CHRNA3: variants seen among roughly 807,000 people sequenced by gnomAD.
The protein encoded by CHRNA3 is neuronal acetylcholine receptor subunit alpha-3.
In CHRNA3, 34 loss-of-function variants were observed where a neutral mutation model predicts 41.9. The ratio of observed to expected loss-of-function variants is 0.81; its 90% CI spans 0.62 to 1.08. The LOEUF (loss-of-function observed/expected upper bound fraction) is 1.08. CHRNA3 is among the 50% of genes least tolerant of loss of function. CHRNA3 has a pLI of 0.00. For missense variants in CHRNA3, 542 were observed against 638.3 expected, an observed-to-expected ratio of 0.85 and a Z score of 1.63; for synonymous variants, 281 against 265.2, an observed-to-expected ratio of 1.06 and a Z score of -0.58.
Position 78,620,763 on chromosome 15 carries a change from GC to G in CHRNA3, c.31del (p.Ala11ArgfsTer43). The G allele has an allele frequency of 6.7e-7, 1 of 1,497,560 alleles. No individual in the cohort carries two copies. The highest frequency in any genetic ancestry group is 8.8e-7 in the Non-Finnish European group (1 of 1,130,272). 92.8% of individuals were successfully genotyped at this position (1,497,560 alleles called of 1,614,324 possible). On this transcript the variant is annotated frameshift_variant, in exon 1 of 6. Transcript: ENST00000326828. LOFTEE classifies it high-confidence loss of function. MGSGPLSLPLALSPPRLLLLL... is the reference protein window; with the variant it reads MGSGPLSLPLXLSPPRLLLLL... ...CAGCAGCAGCCGCGGCGGCGACAGC[GC>G]CAGGGGCAGCGAGAGCGGGCCAGAG...
chr15:78,617,710 G>GT lies in CHRNA3; in HGVS notation c.268-578dup, dbSNP rs547037771. On this transcript the variant is annotated intron_variant, in intron 3 of 5. Transcript: ENST00000326828. The stretch of plus-strand genomic sequence containing the variant: ...AGGGAACGTGTGCATCAAGTACTGG[G>GT]TGGGGCACTGTGCCCATCTGGCTTT... 1.7e-4 allele frequency among the ~76,000 whole-genome samples: 26 copies of GT among 152,318 alleles called. No individual in the cohort carries two copies. In the South Asian group the frequency reaches 3.1e-3, roughly 18 times the overall value.
At chr15:78,600,783 C>T (rs544614747) in intron 5 of CHRNA3, among the ~76,000 whole-genome samples, 5 of 151,060 alleles carry the variant, frequency 3.3e-5, no homozygotes, top group South Asian at 4.2e-4. Flanking sequence ...GTGGGAGAAT[C>T]GCTTGAGCTG....
At position 78,595,522 on chromosome 15, in the gene CHRNA3, A is replaced by G. The variant is rs200803494; in HGVS notation, c.*1082T>C. The G allele has an allele frequency of 7.0e-5, 33 of 471,594 alleles. No homozygotes were observed. The highest frequency in any genetic ancestry group is 8.3e-5 in the Non-Finnish European group (30 of 361,100). 29.2% of individuals were successfully genotyped at this position (471,594 alleles called of 1,614,324 possible). A position where few individuals can be genotyped will look rare whatever the true frequency, so the allele number is the denominator to read the frequency against. On this transcript the variant is annotated 3_prime_UTR_variant, in exon 6 of 6. Coordinates refer to ENST00000326828, the MANE Select transcript of CHRNA3 (RefSeq NM_000743.5). ...AACAATGGAGACATTCTTGGTTATC[A>G]TAACTGGTGAAGAAGCAAGGTATGT...
chr15:78,609,235 A>G (rs988578600), intron 4 of CHRNA3, among the ~76,000 whole-genome samples: 9 of 152,170 alleles, frequency 5.9e-5, no homozygotes, highest in African/African-American at 2.2e-4. Context: ...GAATGCCACA[A>G]AGATACTCCT....
intron 1 of CHRNA3, among the ~76,000 whole-genome samples, 171 bp downstream of exon 1, chr15:78,620,542 C>T (rs1035333311): frequency 3.3e-5 from 5 of 152,242 alleles, no homozygotes; most frequent in Non-Finnish European, 5.9e-5. Flanking sequence ...AAAAAGCCAC[C>T]CCACCCAAGT....
downstream of CHRNA3, chr15:78,594,101 A>ATAAAT: frequency 6.6e-6 from 1 of 152,362 alleles, no homozygotes; most frequent in Non-Finnish European, 1.5e-5. Context: ...CATTTTAAAA[A>ATAAAT]TAAATGAAAA....
intron 3 of CHRNA3, chr15:78,618,337 C>T (rs555599936): frequency 7.0e-5 from 31 of 441,224 alleles, no homozygotes; most frequent in Non-Finnish European, 1.0e-4. Flanking sequence ...ATCTCAGGTT[C>T]GTACTCTTCT....
intron 4 of CHRNA3, among the ~76,000 whole-genome samples, chr15:78,609,905 C>CAAAAAAAA (rs1212780811): frequency 6.6e-6 from 1 of 151,664 alleles, no homozygotes; most frequent in African/African-American, 2.4e-5. Context: ...AAATGGAAAA[C>CAAAAAAAA]AAAAAAAGGC....
chr15:78,609,546 C>G (rs1464168835), intron 4 of CHRNA3, among the ~76,000 whole-genome samples: 1 of 152,126 alleles, frequency 6.6e-6, no homozygotes, highest in Admixed American at 6.5e-5. Flanking sequence ...TTTATCACCA[C>G]CAGGCCTGCC....
Position 78,617,104 on chromosome 15 carries a change from G to A in CHRNA3, c.297C>T (p.Asn99=), listed in dbSNP as rs767582454. The change falls in exon 4 of 6, where the codon AAC becomes AAT. Residue 99 remains asparagine (N), a synonymous_variant. Transcript: ENST00000326828. ...QIWNDYKLKW[N]PSDYGGAEFM... ...ACTCTGCCCCACCATAGTCAGAGGG[G>A]TTCCATTTCAGCTTGTAGTCATTCC... is the stretch of plus-strand genomic sequence containing the variant. 1 of 1,613,504 alleles carries A rather than the reference G, an allele frequency of 6.2e-7. No homozygotes were observed. Among genetic ancestry groups the A allele is most frequent in the Non-Finnish European group, 8.5e-7 (1 of 1,179,556 alleles).
At chr15:78,619,936 C>A (rs8025188) in intron 1 of CHRNA3, 1 of 152,172 alleles carries the variant, frequency 6.6e-6, no homozygotes, top group Non-Finnish European at 1.5e-5. Context: ...CTGAGTAGTG[C>A]AGGCCTCGGC....
intron 4 of CHRNA3, among the ~76,000 whole-genome samples, chr15:78,614,285 C>T (rs1026795592): frequency 6.6e-6 from 1 of 152,200 alleles, no homozygotes; most frequent in Admixed American, 6.5e-5. Context: ...AAATTCTCTA[C>T]ACCCTGCCCA....
Position 78,596,532 on chromosome 15 carries a change from G to C in CHRNA3, c.*72C>G. The C allele has an allele frequency of 5.1e-6, 7 of 1,365,840 alleles. No individual in the cohort carries two copies. The highest frequency in any genetic ancestry group is 5.7e-6 in the Non-Finnish European group (6 of 1,054,230). 84.6% of individuals were successfully genotyped at this position (1,365,840 alleles called of 1,614,324 possible). On this transcript the variant is annotated 3_prime_UTR_variant, in exon 6 of 6. Transcript: ENST00000326828. ...CTGGTAGCTTGATAACAGAAAGTAC[G>C]TTCTTACTAGGAAGCAGCCTCCTCC...
At chr15:78,617,287 G>T (rs2053478173) in intron 3 of CHRNA3, among the ~76,000 whole-genome samples, 154 bp from the exon 4 acceptor site, 1 of 152,156 alleles carries the variant, frequency 6.6e-6, no homozygotes, top group Non-Finnish European at 1.5e-5. Flanking sequence ...CTTCTCCTGT[G>T]GGTGTAGTGC....
At chr15:78,612,510 G>C (rs2053395957) in intron 4 of CHRNA3, among the ~76,000 whole-genome samples, 1 of 107,042 alleles carries the variant, frequency 9.3e-6, no homozygotes, top group South Asian at 2.8e-4. Flanking sequence ...AAACTGGCTA[G>C]CCATATGTAG....
intron 4 of CHRNA3, among the ~76,000 whole-genome samples, chr15:78,605,241 ATCTC>A (rs765358200): frequency 1.3e-5 from 2 of 152,070 alleles, no homozygotes; most frequent in African/African-American, 2.4e-5. Context: ...GGTTTTTAAA[ATCTC>A]TCTAAATTTC....
At chr15:78,610,513 T>A (rs2053365302) in intron 4 of CHRNA3, among the ~76,000 whole-genome samples, 2 of 152,126 alleles carry the variant, frequency 1.3e-5, no homozygotes, top group African/African-American at 4.8e-5. Context: ...AATAAAGATG[T>A]TCTTTGAAAC....
intron 4 of CHRNA3, among the ~76,000 whole-genome samples, chr15:78,616,359 C>A (rs535846270): frequency 1.2e-3 from 147 of 125,598 alleles, no homozygotes; most frequent in African/African-American, 3.4e-3. Flanking sequence ...TTCCCCCCCC[C>A]ACCCCCCCAA....
At chr15:78,618,372 T>G in intron 3 of CHRNA3, 1 of 545,090 alleles carries the variant, frequency 1.8e-6, no homozygotes, top group Non-Finnish European at 3.3e-6. Context: ...GAGAATGTCT[T>G]TCTCCAGGCT....
Sources: allele counts gnomAD v4.1 joint callset (sites outside exome capture counted in the v4.1 genomes callset), GRCh38; gene constraint gnomAD v4.1.1; transcripts MANE v1.5; gene names NCBI Gene and HGNC (gene_info 2026-07-23, HGNC 2026-07-21).